HAS2: variants seen among roughly 807,000 people sequenced by gnomAD.
HAS2 encodes hyaluronan synthase 2.
A neutral mutation model predicts 51.6 loss-of-function variants in HAS2; 16 were observed. The observed-to-expected ratio is 0.31, with a 90% CI of 0.21 to 0.47. The LOEUF (loss-of-function observed/expected upper bound fraction) is 0.47. Ranked by LOEUF, HAS2 falls within the 20% of genes least tolerant of loss-of-function variation. The pLI is 1.00. For synonymous variants in HAS2, 228 were observed against 235.5 expected, an observed-to-expected ratio of 0.97 and a Z score of 0.29; for missense variants, 361 against 662.6, an observed-to-expected ratio of 0.54 and a Z score of 5.00.
intron 3 of HAS2, among the ~76,000 whole-genome samples, chr8:121,616,419 A>C (rs1812701823): frequency 6.8e-6 from 1 of 146,948 alleles, no homozygotes; most frequent in Non-Finnish European, 1.5e-5. Flanking sequence ...CCATACTTCT[A>C]TTTCTTTTTT....
rs961640812 is a variant in HAS2 at position 121,614,523 on chromosome 8, T to C, written c.1245A>G (p.Leu415=). 6.2e-7 allele frequency: 1 copy of C among 1,614,124 alleles called. No homozygotes were observed. The highest frequency in any genetic ancestry group is 8.5e-7 in the Non-Finnish European group (1 of 1,179,966). The change falls in exon 4 of 4, where the codon CTA becomes CTG. Residue 415 remains leucine (L), a synonymous_variant. Transcript: ENST00000303924. This position sits in a 1 kb window ranked among gnomAD's most constrained non-coding sequence, Gnocchi z 7.2. ...NILLFLLTVQ[L]VGLIKSSFAS... ...CAAAAGATGATTTTATGAGACCTAC[T>C]AGCTGGACAGTTAACAAGAAGAGGA...
intron 1 of HAS2, among the ~76,000 whole-genome samples, 173 bp from the exon 2 acceptor site, chr8:121,629,513 A>C (rs1281307080): frequency 6.6e-6 from 1 of 152,216 alleles, no homozygotes; most frequent in Non-Finnish European, 1.5e-5. Flanking sequence ...TCTGCAAAAC[A>C]GGGATAAGGA....
chr8:121,625,108 A>T (rs983019475), intron 2 of HAS2, among the ~76,000 whole-genome samples: 2 of 148,530 alleles, frequency 1.3e-5, no homozygotes, highest in Non-Finnish European at 2.9e-5. Flanking sequence ...AAAAAAAAAA[A>T]AAAAAAAAAA....
chr8:121,635,901 C>T (rs1295198553), intron 1 of HAS2, among the ~76,000 whole-genome samples: 1 of 152,200 alleles, frequency 6.6e-6, no homozygotes, highest in African/African-American at 2.4e-5. Flanking sequence ...GAATATTTAT[C>T]TAGGCTGGTG....
intron 2 of HAS2, among the ~76,000 whole-genome samples, chr8:121,617,818 C>T (rs1812724908): frequency 6.6e-6 from 1 of 151,998 alleles, no homozygotes; most frequent in Admixed American, 6.6e-5. Context: ...GTTCTAAAGT[C>T]CATATGACCC....
rs377439778 is a variant in HAS2, at chr8:121,623,166, T to C, written c.627+5548A>G. On this transcript the variant is annotated intron_variant, in intron 2 of 3. Coordinates refer to ENST00000303924, the MANE Select transcript of HAS2 (RefSeq NM_005328.3). ...TTAGGAATATACAAGCCTTCCTTAG[T>C]AGAATGAATTATCCAAATTATTATA... is the stretch of plus-strand genomic sequence containing the variant. Among the ~76,000 whole-genome samples, 11 of 152,250 alleles carry C rather than the reference T, an allele frequency of 7.2e-5. No homozygotes were observed. The South Asian group carries it at 1.2e-3, about 17-fold the overall frequency.
intron 2 of HAS2, among the ~76,000 whole-genome samples, chr8:121,620,888 C>T (rs1293622438): frequency 6.6e-6 from 1 of 152,018 alleles, no homozygotes; most frequent in African/African-American, 2.4e-5. Flanking sequence ...TTTTGTGACA[C>T]ATGGGAATTA....
At chr8:121,620,533 A>G (rs11989345) in intron 2 of HAS2, among the ~76,000 whole-genome samples, 6,830 of 152,260 alleles carry the variant, frequency 0.045, 566 homozygotes, top group African/African-American at 0.16. Flanking sequence ...ATTCGTTGAA[A>G]CCACATGATC....
intron 2 of HAS2, among the ~76,000 whole-genome samples, chr8:121,624,145 C>A (rs1040374800): frequency 2.0e-5 from 3 of 152,168 alleles, no homozygotes; most frequent in African/African-American, 7.2e-5. Context: ...TGTCCAACAG[C>A]ACGATATCTC....
Position 121,641,205 on chromosome 8 carries a change from T to C in HAS2, c.-353A>G, listed in dbSNP as rs1359313162. On this transcript the variant is annotated 5_prime_UTR_variant, in exon 1 of 4. Transcript: ENST00000303924. ...TGGGCTTCAGTCTTTCTGCCCCCGA[T>C]AACAGAAAATCTCTTTTTCGTCTTA... is the stretch of plus-strand genomic sequence containing the variant. 4.4e-5 allele frequency: 2 copies of C among 45,920 alleles called. No homozygotes were observed. Among genetic ancestry groups the C allele is most frequent in the Non-Finnish European group, 8.1e-5 (2 of 24,602 alleles). 2.8% of individuals were successfully genotyped at this position (45,920 alleles called of 1,614,324 possible).
At chr8:121,627,800 A>C (rs1812874651) in intron 2 of HAS2, among the ~76,000 whole-genome samples, 2 of 152,330 alleles carry the variant, frequency 1.3e-5, no homozygotes, top group South Asian at 4.1e-4. Flanking sequence ...TCTAAAAACT[A>C]GAATTTCACT....
intron 2 of HAS2, among the ~76,000 whole-genome samples, chr8:121,620,776 G>A (rs568352987): frequency 1.8e-4 from 27 of 152,030 alleles, no homozygotes; most frequent in Non-Finnish European, 2.5e-4. Context: ...GCAAACCAAG[G>A]CCTACTGGTC....
chr8:121,632,315 T>C (rs1812941971), intron 1 of HAS2, among the ~76,000 whole-genome samples: 2 of 152,170 alleles, frequency 1.3e-5, no homozygotes, highest in African/African-American at 4.8e-5. Flanking sequence ...AATCCCCAAT[T>C]CAAATACTCT....
intron 1 of HAS2, among the ~76,000 whole-genome samples, chr8:121,634,523 CAGGGGAGCTTGTGT>C (rs145354757): frequency 0.034 from 5,199 of 151,834 alleles, 330 homozygotes; most frequent in African/African-American, 0.12. Flanking sequence ...ACTCTATGGC[CAGGGGAGCTTGTGT>C]AGTTCAATTA....
rs1044316015 is a variant in HAS2, at chr8:121,612,278, T to C, written c.*1831A>G. On this transcript the variant is annotated 3_prime_UTR_variant, in exon 4 of 4. Coordinates refer to ENST00000303924, the MANE Select transcript of HAS2 (RefSeq NM_005328.3). The stretch of plus-strand genomic sequence containing the variant: ...TGTTATCAAAGCTTAACTTAGAACA[T>C]AAATAGTTAAAAAGGCAAACTCAAG... 6.6e-6 allele frequency: 1 copy of C among 152,174 alleles called. No individual in the cohort carries two copies. The highest frequency in any genetic ancestry group is 1.5e-5 in the Non-Finnish European group (1 of 68,026). 9.4% of individuals were successfully genotyped at this position (152,174 alleles called of 1,614,324 possible).
intron 3 of HAS2, among the ~76,000 whole-genome samples, chr8:121,616,259 C>T (rs1812699425): frequency 6.6e-6 from 1 of 151,878 alleles, no homozygotes; most frequent in South Asian, 2.1e-4. Flanking sequence ...ATTGGAAAAC[C>T]ACTTATCCAT....
At chr8:121,625,198 T>C (rs1160225892) in intron 2 of HAS2, among the ~76,000 whole-genome samples, 1 of 151,632 alleles carries the variant, frequency 6.6e-6, no homozygotes, top group East Asian at 1.9e-4. Flanking sequence ...CAAAGTGTTC[T>C]AAAAACAAGG....
intron 1 of HAS2, among the ~76,000 whole-genome samples, chr8:121,640,420 A>AGTGT (rs10578731): frequency 1.4e-3 from 215 of 148,428 alleles, no homozygotes; most frequent in African/African-American, 4.2e-3. Flanking sequence ...TTCTCCCCAC[A>AGTGT]GTGTGTGTGT....
At chr8:121,624,878 G>C (rs1812820335) in intron 2 of HAS2, among the ~76,000 whole-genome samples, 1 of 152,006 alleles carries the variant, frequency 6.6e-6, no homozygotes, top group South Asian at 2.1e-4. Context: ...GGTGGATCAC[G>C]AGGTCAGGAG....
Sources: gnomAD v4.1 joint callset for allele counts (sites outside exome capture counted in the v4.1 genomes callset) on GRCh38, gnomAD v4.1.1 for gene constraint, Gnocchi (gnomAD v3.1) non-coding constraint, MANE v1.5 for transcripts, NCBI Gene and HGNC (gene_info 2026-07-23, HGNC 2026-07-21) for gene names.